The following RAPGEF4 variants were observed in gnomAD, a reference collection of about 807,000 sequenced individuals.
The protein encoded by RAPGEF4 is RAP guanine-nucleotide-exchange factor (GEF) 4.
Under a neutral mutation model 147.9 loss-of-function variants are expected in RAPGEF4, and 66 were observed. The observed-to-expected ratio is 0.45, with a 90% CI of 0.37 to 0.55. The LOEUF (loss-of-function observed/expected upper bound fraction) is 0.55, where lower values mean the gene tolerates loss of function less well. Among genes scored for constraint, RAPGEF4 ranks in the 20% least tolerant of loss-of-function variants. The pLI is 0.00. For synonymous variants in RAPGEF4, 419 were observed against 442.7 expected (o/e 0.95, Z 0.67); for missense variants, 1,071 against 1,257.3 (o/e 0.85, Z 2.24).
chr2:172,787,800 TG>T (rs1171314835), intron 1 of RAPGEF4, among the ~76,000 whole-genome samples: 1 of 151,938 alleles, frequency 6.6e-6, no homozygotes, highest in African/African-American at 2.4e-5. Flanking sequence ...TTAAATTTTT[TG>T]TAGAAATGTA....
intron 23 of RAPGEF4, among the ~76,000 whole-genome samples, chr2:173,023,004 G>C (rs1401097002): frequency 6.6e-6 from 1 of 152,094 alleles, no homozygotes; most frequent in Non-Finnish European, 1.5e-5. Context: ...CTCTAAAATG[G>C]TCTTGAAGAC....
At chr2:172,802,660 C>T (rs1178433847) in intron 3 of RAPGEF4, among the ~76,000 whole-genome samples, 1 of 152,226 alleles carries the variant, frequency 6.6e-6, no homozygotes, top group East Asian at 1.9e-4. Context: ...TCATGCCTTC[C>T]TAACAGTCTC....
chr2:172,838,467 G>T (rs1691213954), intron 4 of RAPGEF4, among the ~76,000 whole-genome samples: 1 of 152,084 alleles, frequency 6.6e-6, no homozygotes, highest in South Asian at 2.1e-4. Context: ...CCAGCTTTTG[G>T]ATATTTGATT....
chr2:172,797,171 G>T (rs993551771), intron 2 of RAPGEF4, among the ~76,000 whole-genome samples: 3 of 152,186 alleles, frequency 2.0e-5, no homozygotes, highest in African/African-American at 7.2e-5. Flanking sequence ...AAGGAGAGGT[G>T]CTAGTCTAGA....
chr2:172,969,715 A>G (rs566026357), intron 10 of RAPGEF4, among the ~76,000 whole-genome samples: 65 of 152,324 alleles, frequency 4.3e-4, no homozygotes, highest in African/African-American at 1.5e-3. Flanking sequence ...ACAATCATCA[A>G]TTGAGTGCCT....
intron 18 of RAPGEF4, among the ~76,000 whole-genome samples, chr2:173,014,893 C>A (rs1171317883): frequency 6.6e-6 from 1 of 152,170 alleles, no homozygotes; most frequent in African/African-American, 2.4e-5. Flanking sequence ...CATCATTCTG[C>A]AGGCTGCTTT....
At chr2:172,981,424 C>T (rs944787693) in intron 10 of RAPGEF4, among the ~76,000 whole-genome samples, 4 of 152,214 alleles carry the variant, frequency 2.6e-5, no homozygotes, top group Non-Finnish European at 4.4e-5. Flanking sequence ...GGGCTCTGGC[C>T]GAGAAGGCCT....
intron 4 of RAPGEF4, among the ~76,000 whole-genome samples, chr2:172,815,455 T>C (rs76414075): frequency 0.014 from 2,118 of 152,272 alleles, 17 homozygotes; most frequent in Middle Eastern, 0.037. Flanking sequence ...ATATTTCTCT[T>C]AGAAAGTATT....
At chr2:173,005,533 T>G (rs865846246) in intron 17 of RAPGEF4, among the ~76,000 whole-genome samples, 1 of 139,554 alleles carries the variant, frequency 7.2e-6, no homozygotes, top group Non-Finnish European at 1.6e-5. Flanking sequence ...TTTTTTTTTT[T>G]TTTTTTTTGA....
chr2:172,922,348 A>C (rs770618666), intron 6 of RAPGEF4, 48 bp downstream of exon 6: 2 of 1,538,128 alleles, frequency 1.3e-6, no homozygotes, highest in South Asian at 2.2e-5. Context: ...GTTATAAGGT[A>C]AAAAATAATC....
intron 1 of RAPGEF4, among the ~76,000 whole-genome samples, chr2:172,779,554 AT>A (rs1684493604): frequency 6.6e-6 from 1 of 152,188 alleles, no homozygotes; most frequent in Non-Finnish European, 1.5e-5. Context: ...TCCAAGGGAA[AT>A]GGGTGACTGA....
intron 2 of RAPGEF4, among the ~76,000 whole-genome samples, chr2:172,795,621 A>G (rs1202146862): frequency 1.3e-5 from 2 of 152,220 alleles, no homozygotes; most frequent in Non-Finnish European, 1.5e-5. Context: ...GATTTTTTAA[A>G]AAGTATTTTT....
intron 4 of RAPGEF4, chr2:172,894,267 C>T (rs959795620): frequency 1.3e-5 from 2 of 152,352 alleles, no homozygotes. Flanking sequence ...CTATTCAGAT[C>T]TCTGCTTAGG....
chr2:173,014,440 A>C, intron 17 of RAPGEF4, 24 bp from the exon 18 acceptor site: 1 of 1,613,018 alleles, frequency 6.2e-7, no homozygotes, highest in South Asian at 1.1e-5. Flanking sequence ...AAATGGCTCA[A>C]TTTCTTCCTT....
At chr2:172,832,166 T>C (rs1690428771) in intron 4 of RAPGEF4, among the ~76,000 whole-genome samples, 1 of 152,218 alleles carries the variant, frequency 6.6e-6, no homozygotes, top group African/African-American at 2.4e-5. Flanking sequence ...CTGTTGTCTT[T>C]TGGTTGCCGG....
At chr2:172,751,076 C>T (rs1208951185) in intron 1 of RAPGEF4, among the ~76,000 whole-genome samples, 3 of 152,138 alleles carry the variant, frequency 2.0e-5, no homozygotes, top group African/African-American at 7.2e-5. Flanking sequence ...TAGAAAAGTT[C>T]CATATTCAGT....
chr2:172,835,318 T>G (rs970937319), intron 4 of RAPGEF4, among the ~76,000 whole-genome samples: 2 of 152,250 alleles, frequency 1.3e-5, no homozygotes. Flanking sequence ...TAAGTGGCTA[T>G]TGGATTACTG....
chr2:172,974,904 T>C (rs1690905441), intron 10 of RAPGEF4, among the ~76,000 whole-genome samples: 1 of 152,192 alleles, frequency 6.6e-6, no homozygotes, highest in African/African-American at 2.4e-5. Context: ...TTTTGTCTTA[T>C]GTCCTGAGTT....
intron 6 of RAPGEF4, among the ~76,000 whole-genome samples, chr2:172,957,864 T>C (rs1345976830): frequency 6.6e-6 from 1 of 152,254 alleles, no homozygotes; most frequent in Non-Finnish European, 1.5e-5. Context: ...GAAAAAGTTC[T>C]GGTTGAAGCT....
Sources: allele counts gnomAD v4.1 joint callset (sites outside exome capture counted in the v4.1 genomes callset), GRCh38; gene constraint gnomAD v4.1.1; transcripts MANE v1.5; gene names NCBI Gene and HGNC (gene_info 2026-07-23, HGNC 2026-07-21).